Variants in ADAM22 observed in about 807,000 individuals in gnomAD.
ADAM22 encodes ADAM metallopeptidase domain 22, also known as disintegrin and metalloproteinase domain-containing protein 22.
A neutral mutation model predicts 144.6 loss-of-function variants in ADAM22; 65 were observed. That is an observed-to-expected ratio of 0.45 (90% CI 0.37 to 0.55). The LOEUF (loss-of-function observed/expected upper bound fraction) is 0.55, where lower values mean the gene tolerates loss of function less well. Among genes scored for constraint, ADAM22 ranks in the 20% least tolerant of loss-of-function variants. The pLI is 0.00. For synonymous variants in ADAM22, 391 were observed against 412.6 expected, an observed-to-expected ratio of 0.95 and a Z score of 0.63; for missense variants, 974 against 1,184.9, an observed-to-expected ratio of 0.82 and a Z score of 2.61.
At chr7:87,994,683 T>C (rs777294993) in intron 3 of ADAM22, among the ~76,000 whole-genome samples, 45 of 152,194 alleles carry the variant, frequency 3.0e-4, no homozygotes, top group Non-Finnish European at 5.4e-4. Flanking sequence ...CAAAGCTTAA[T>C]AGAGGTCACA....
chr7:88,062,560 G>T (rs903934154), intron 3 of ADAM22, among the ~76,000 whole-genome samples: 2 of 152,126 alleles, frequency 1.3e-5, no homozygotes, highest in African/African-American at 4.8e-5. Context: ...CAGCAATAAG[G>T]CTGTTTTGCT....
intron 26 of ADAM22, 97 bp downstream of exon 26, chr7:88,171,658 G>T: frequency 1.8e-6 from 2 of 1,111,526 alleles, no homozygotes; most frequent in Non-Finnish European, 2.5e-6. Context: ...AGTTCACTTT[G>T]TTTTTATGTA....
intron 2 of ADAM22, chr7:87,964,493 A>T (rs1584659666): frequency 1.1e-5 from 3 of 272,004 alleles, no homozygotes; most frequent in East Asian, 2.0e-4. Flanking sequence ...GCTCCAATAA[A>T]TAATAGAAGT....
At position 87,971,861 on chromosome 7, in the gene ADAM22, C is replaced by T. The variant is rs1300306473; in HGVS notation, c.247-6475C>T. Among the ~76,000 whole-genome samples the T allele has an allele frequency of 2.0e-5, 3 of 152,286 alleles. No individual in the cohort carries two copies. In the East Asian group the frequency reaches 5.8e-4, roughly 29 times the overall value. ...GATAATATAGCAACTCAGTGTAGTT[C>T]ATTTACTTTATTCCTTCTCCAAGAT... On this transcript the variant is annotated intron_variant, in intron 2 of 31. Transcript: ENST00000413139.
chr7:88,191,411 G>T (rs536129575), intron 30 of ADAM22, among the ~76,000 whole-genome samples: 1 of 152,166 alleles, frequency 6.6e-6, no homozygotes, highest in African/African-American at 2.4e-5. Context: ...AAGTAAACAA[G>T]ATTTAATTAT....
At chr7:87,952,469 G>A (rs1047294158) in intron 2 of ADAM22, among the ~76,000 whole-genome samples, 46 of 152,172 alleles carry the variant, frequency 3.0e-4, no homozygotes, top group Non-Finnish European at 5.4e-4. Context: ...TATTGAACCA[G>A]CCTTGCATCC....
chr7:87,970,011 C>T (rs913894538), intron 2 of ADAM22, among the ~76,000 whole-genome samples: 5 of 152,070 alleles, frequency 3.3e-5, no homozygotes, highest in African/African-American at 1.2e-4. Flanking sequence ...ATAGGTAGAC[C>T]TGTTGGGTAG....
chr7:88,005,800 T>A (rs1451031033), intron 3 of ADAM22, among the ~76,000 whole-genome samples: 1 of 152,080 alleles, frequency 6.6e-6, no homozygotes, highest in Non-Finnish European at 1.5e-5. Context: ...GAAAAAAATA[T>A]AAAATTATGA....
At chr7:88,069,796 T>C (rs1358541742) in intron 3 of ADAM22, among the ~76,000 whole-genome samples, 3 of 152,172 alleles carry the variant, frequency 2.0e-5, no homozygotes, top group African/African-American at 7.2e-5. Context: ...GCAGGATGAC[T>C]GCAGTAGATA....
intron 3 of ADAM22, among the ~76,000 whole-genome samples, chr7:88,068,449 G>C (rs866425044): frequency 6.6e-6 from 1 of 152,022 alleles, no homozygotes; most frequent in Non-Finnish European, 1.5e-5. Flanking sequence ...TCACTGGTTG[G>C]ATTATAATCA....
intron 21 of ADAM22, 24 bp from the exon 22 acceptor site, chr7:88,155,863 G>T: frequency 6.2e-7 from 1 of 1,608,312 alleles, no homozygotes; most frequent in Non-Finnish European, 8.5e-7. Flanking sequence ...GGGAAAAGAA[G>T]TAATTGGTAA....
At chr7:88,192,755 A>G (rs1849888271) in intron 30 of ADAM22, among the ~76,000 whole-genome samples, 1 of 152,204 alleles carries the variant, frequency 6.6e-6, no homozygotes, top group African/African-American at 2.4e-5. Flanking sequence ...GGTTAAAAAT[A>G]AGGCACAATA....
At chr7:88,190,694 C>G (rs901542566) in intron 30 of ADAM22, among the ~76,000 whole-genome samples, 4 of 152,136 alleles carry the variant, frequency 2.6e-5, no homozygotes, top group African/African-American at 7.2e-5. Context: ...CAGAAAAGAG[C>G]CTGGAGATCG....
intron 2 of ADAM22, among the ~76,000 whole-genome samples, chr7:87,968,898 G>A (rs1849770024): frequency 6.6e-6 from 1 of 152,172 alleles, no homozygotes; most frequent in Non-Finnish European, 1.5e-5. Flanking sequence ...ATGGCAGAAG[G>A]TGAAGGGGAA....
intron 15 of ADAM22, 65 bp downstream of exon 15, chr7:88,143,190 C>T (rs971902507): frequency 8.6e-7 from 1 of 1,160,520 alleles, no homozygotes; most frequent in Non-Finnish European, 1.3e-6. Context: ...ATTACAAATA[C>T]ACATTTTCAG....
At chr7:88,136,120 G>T in intron 14 of ADAM22, 89 bp downstream of exon 14, 1 of 1,150,280 alleles carries the variant, frequency 8.7e-7, no homozygotes, top group Non-Finnish European at 1.2e-6. Context: ...ATAACTTAGT[G>T]CATGGAATCT....
At chr7:88,026,241 C>T (rs1036155100) in intron 3 of ADAM22, among the ~76,000 whole-genome samples, 1 of 152,188 alleles carries the variant, frequency 6.6e-6, no homozygotes, top group African/African-American at 2.4e-5. Context: ...GCATCATCTG[C>T]TTCTGGGGAG....
intron 4 of ADAM22, among the ~76,000 whole-genome samples, chr7:88,100,997 G>A (rs931463337): frequency 6.6e-6 from 1 of 150,554 alleles, no homozygotes; most frequent in African/African-American, 2.4e-5. Flanking sequence ...TATACCCTTG[G>A]GGGGAATCTA....
At chr7:87,968,180 T>A (rs1849600428) in intron 2 of ADAM22, among the ~76,000 whole-genome samples, 1 of 152,150 alleles carries the variant, frequency 6.6e-6, no homozygotes, top group African/African-American at 2.4e-5. Flanking sequence ...ATCACAAAGG[T>A]CTTTAATCCA....
Sources: gnomAD v4.1 joint callset for allele counts (sites outside exome capture counted in the v4.1 genomes callset) on GRCh38, gnomAD v4.1.1 for gene constraint, MANE v1.5 for transcripts, NCBI Gene and HGNC (gene_info 2026-07-23, HGNC 2026-07-21) for gene names.